TRPM3: variants seen among roughly 807,000 people sequenced by gnomAD.
The protein encoded by TRPM3 is long transient receptor potential channel 3.
In TRPM3, 77 loss-of-function variants were observed where a neutral mutation model predicts 181.2. The observed-to-expected ratio is 0.42, with a 90% CI of 0.35 to 0.51. TRPM3 has a LOEUF of 0.51. Ranked by LOEUF, TRPM3 falls within the 20% of genes least tolerant of loss-of-function variation. The pLI is 0.01. For synonymous variants in TRPM3, 745 were observed against 796.4 expected (o/e 0.94, Z 1.09); for missense variants, 1,759 against 2,196.7 (o/e 0.80, Z 3.98).
intron 1 of TRPM3, among the ~76,000 whole-genome samples, chr9:71,248,300 C>T (rs1474981042): frequency 1.3e-5 from 2 of 152,186 alleles, no homozygotes; most frequent in African/African-American, 4.8e-5. Flanking sequence ...CCAACTCTGG[C>T]CAATGAGACC....
At chr9:71,002,046 T>G (rs1198783689) in intron 1 of TRPM3, among the ~76,000 whole-genome samples, 1 of 152,212 alleles carries the variant, frequency 6.6e-6, no homozygotes, top group African/African-American at 2.4e-5. Context: ...AAAGATTTGC[T>G]GCCTACCTTT....
intron 1 of TRPM3, among the ~76,000 whole-genome samples, chr9:70,951,707 CAGG>C (rs752623284): frequency 4.9e-4 from 75 of 152,236 alleles, no homozygotes; most frequent in Non-Finnish European, 2.4e-4. Flanking sequence ...TTATATAACC[CAGG>C]AGGAGTAAAG....
intron 14 of TRPM3, among the ~76,000 whole-genome samples, chr9:70,622,863 T>C (rs2063834398): frequency 6.6e-6 from 1 of 152,192 alleles, no homozygotes; most frequent in Non-Finnish European, 1.5e-5. Context: ...CATTTTTCTC[T>C]CTCTCTTTCA....
chr9:71,242,909 A>G (rs72733863), intron 1 of TRPM3, among the ~76,000 whole-genome samples: 13,388 of 152,222 alleles, frequency 0.088, 677 homozygotes, highest in Non-Finnish European at 0.11. Flanking sequence ...CCAGTTAAAC[A>G]TAAGTCATTT....
At chr9:70,821,053 A>G (rs2131583933) in intron 6 of TRPM3, among the ~76,000 whole-genome samples, 1 of 152,350 alleles carries the variant, frequency 6.6e-6, no homozygotes, top group East Asian at 1.9e-4. Context: ...GCAACCAGAA[A>G]AGATGACTGT....
chr9:70,921,589 C>T (rs537133467), intron 1 of TRPM3, among the ~76,000 whole-genome samples: 2 of 152,280 alleles, frequency 1.3e-5, no homozygotes, highest in East Asian at 3.9e-4. Context: ...AAGTTTTAGA[C>T]TCAAGTGAGT....
chr9:70,976,498 G>A (rs529644463), intron 1 of TRPM3, among the ~76,000 whole-genome samples: 1 of 152,332 alleles, frequency 6.6e-6, no homozygotes, highest in South Asian at 2.1e-4. Flanking sequence ...CAGTAGAGGT[G>A]TTCTTAAAGT....
At chr9:70,817,713 C>T (rs887697358) in intron 6 of TRPM3, among the ~76,000 whole-genome samples, 27 of 152,110 alleles carry the variant, frequency 1.8e-4, no homozygotes, top group African/African-American at 6.0e-4. Flanking sequence ...GAAACTCATA[C>T]CTAACTTTTG....
At chr9:71,282,080 GGAAAGAAAGAGAGAAAGAAAGAAAA>G (rs2084766940) in intron 1 of TRPM3, among the ~76,000 whole-genome samples, 1 of 34,072 alleles carries the variant, frequency 2.9e-5, no homozygotes, top group African/African-American at 1.5e-4. Context: ...AGGAAAGAAA[GGAAAGAAAGAGAGAAAGAAAGAAAA>G]GAAAGAAAGA....
intron 1 of TRPM3, among the ~76,000 whole-genome samples, chr9:71,379,653 G>T (rs1384194097): frequency 6.6e-6 from 1 of 151,764 alleles, no homozygotes; most frequent in African/African-American, 2.4e-5. Context: ...AACACTCACA[G>T]CTGGGAATTG....
At chr9:70,629,215 C>CGGTG (rs2065248837) in intron 12 of TRPM3, among the ~76,000 whole-genome samples, 1 of 10,162 alleles carries the variant, frequency 9.8e-5, no homozygotes, top group African/African-American at 2.1e-4. Flanking sequence ...TGACCAGTGC[C>CGGTG]GGGGGGGGGG....
At chr9:71,083,023 T>C (rs1232034619) in intron 1 of TRPM3, among the ~76,000 whole-genome samples, 1 of 152,034 alleles carries the variant, frequency 6.6e-6, no homozygotes, top group Non-Finnish European at 1.5e-5. Flanking sequence ...AATATTTCTA[T>C]GTGTGTGTGT....
chr9:71,133,865 ATTC>A (rs1214347879), intron 1 of TRPM3, among the ~76,000 whole-genome samples: 3 of 152,120 alleles, frequency 2.0e-5, no homozygotes, highest in Admixed American at 2.0e-4. Context: ...TTACTTACAT[ATTC>A]TTATAAGTGT....
intron 1 of TRPM3, among the ~76,000 whole-genome samples, chr9:71,096,619 C>CTCTCTCTCTCTCTCTCTA: frequency 6.6e-6 from 1 of 150,466 alleles, no homozygotes. Flanking sequence ...CTCTCTCTCT[C>CTCTCTCTCTCTCTCTCTA]TCTCTCCCCC....
intron 1 of TRPM3, among the ~76,000 whole-genome samples, chr9:70,894,844 T>C (rs889076165): frequency 6.6e-6 from 1 of 152,140 alleles, no homozygotes; most frequent in Non-Finnish European, 1.5e-5. Flanking sequence ...GAAGCTTACA[T>C]TTTAGTGTCA....
intron 21 of TRPM3, among the ~76,000 whole-genome samples, chr9:70,593,048 A>T (rs1418448247): frequency 6.6e-6 from 1 of 152,118 alleles, no homozygotes; most frequent in Non-Finnish European, 1.5e-5. Flanking sequence ...GTTTTAAAAG[A>T]GTGTCTGTTA....
At chr9:70,835,710 T>C (rs1219992384) in intron 5 of TRPM3, among the ~76,000 whole-genome samples, 1 of 152,144 alleles carries the variant, frequency 6.6e-6, no homozygotes, top group African/African-American at 2.4e-5. Context: ...AGAATAATAA[T>C]AATCATCCCA....
intron 1 of TRPM3, among the ~76,000 whole-genome samples, chr9:71,171,889 T>A (rs1306446980): frequency 1.5e-5 from 2 of 130,960 alleles, no homozygotes; most frequent in Non-Finnish European, 3.3e-5. Context: ...AGGGGGAGGG[T>A]GTTAGGGTTT....
intron 1 of TRPM3, among the ~76,000 whole-genome samples, chr9:71,389,574 A>G (rs917067268): frequency 6.6e-6 from 1 of 152,164 alleles, no homozygotes; most frequent in Non-Finnish European, 1.5e-5. Flanking sequence ...AAATCATGGG[A>G]CCAACCCAAA....
Sources: gnomAD v4.1 joint callset for allele counts (sites outside exome capture counted in the v4.1 genomes callset) on GRCh38, gnomAD v4.1.1 for gene constraint, MANE v1.5 for transcripts, NCBI Gene and HGNC (gene_info 2026-07-23, HGNC 2026-07-21) for gene names.